The following DGKI variants were observed in gnomAD, a reference collection of about 807,000 sequenced individuals.
DGKI encodes the protein DAG kinase iota.
A neutral mutation model predicts 147.5 loss-of-function variants in DGKI; 55 were observed. The ratio of observed to expected loss-of-function variants is 0.37; its 90% CI spans 0.30 to 0.47. The LOEUF is 0.47. Ranked by LOEUF, DGKI falls within the 20% of genes least tolerant of loss-of-function variation. The pLI is 1.00. For synonymous variants in DGKI, 469 were observed against 477.1 expected, an observed-to-expected ratio of 0.98 and a Z score of 0.22; for missense variants, 1,007 against 1,323.8, an observed-to-expected ratio of 0.76 and a Z score of 3.71.
intron 3 of DGKI, among the ~76,000 whole-genome samples, chr7:137,675,683 C>CAAAAAAAAAAAAAAAAA (rs61282606): frequency 9.3e-6 from 1 of 107,706 alleles, no homozygotes; most frequent in Non-Finnish European, 2.0e-5. Flanking sequence ...AGACTACATC[C>CAAAAAAAAAAAAAAAAA]AAAAAAAAAA....
At chr7:137,476,512 A>G (rs1488348939) in intron 23 of DGKI, among the ~76,000 whole-genome samples, 1 of 152,182 alleles carries the variant, frequency 6.6e-6, no homozygotes, top group Non-Finnish European at 1.5e-5. Flanking sequence ...AGAATTCACA[A>G]TTGGAGTGTT....
At chr7:137,651,965 G>A (rs1227374881) in intron 5 of DGKI, among the ~76,000 whole-genome samples, 1 of 152,162 alleles carries the variant, frequency 6.6e-6, no homozygotes, top group Non-Finnish European at 1.5e-5. Context: ...CAGTAAATGG[G>A]TAGAGTAGAT....
chr7:137,471,653 A>T (rs933010666), intron 23 of DGKI, among the ~76,000 whole-genome samples: 1 of 152,084 alleles, frequency 6.6e-6, no homozygotes, highest in Admixed American at 6.6e-5. Context: ...AAGAACCTAA[A>T]GTTACCGAAC....
At chr7:137,619,415 C>G (rs148218569) in intron 8 of DGKI, among the ~76,000 whole-genome samples, 2 of 152,338 alleles carry the variant, frequency 1.3e-5, no homozygotes, top group African/African-American at 2.4e-5. Flanking sequence ...TGGCAGGAAT[C>G]TTAACCAAAC....
At chr7:137,811,337 GTCTC>G (rs1301672664) in intron 1 of DGKI, among the ~76,000 whole-genome samples, 4 of 122,298 alleles carry the variant, frequency 3.3e-5, no homozygotes, top group African/African-American at 1.2e-4. Context: ...CTCTCTGTCT[GTCTC>G]TCTTTCTCTC....
intron 10 of DGKI, among the ~76,000 whole-genome samples, chr7:137,602,423 G>C (rs1820025887): frequency 6.6e-6 from 1 of 152,226 alleles, no homozygotes; most frequent in African/African-American, 2.4e-5. Flanking sequence ...GCCTGCAATT[G>C]TGTAAAGATA....
At chr7:137,828,203 T>C (rs562973777) in intron 1 of DGKI, among the ~76,000 whole-genome samples, 7 of 152,264 alleles carry the variant, frequency 4.6e-5, no homozygotes, top group African/African-American at 1.7e-4. Flanking sequence ...AGTGGCTATT[T>C]TTTTTATTTC....
chr7:137,557,581 T>C (rs1215361903), intron 19 of DGKI, among the ~76,000 whole-genome samples: 1 of 152,164 alleles, frequency 6.6e-6, no homozygotes, highest in Non-Finnish European at 1.5e-5. Context: ...AAAATACAAA[T>C]ATAAATATTA....
intron 3 of DGKI, among the ~76,000 whole-genome samples, chr7:137,658,991 A>G (rs954001176): frequency 6.6e-6 from 1 of 152,248 alleles, no homozygotes. Context: ...CTCTTAAAAT[A>G]TATTATGAAC....
chr7:137,654,370 G>A (rs1321917135), intron 5 of DGKI, among the ~76,000 whole-genome samples: 1 of 152,152 alleles, frequency 6.6e-6, no homozygotes, highest in African/African-American at 2.4e-5. Context: ...ATTGAAAAAT[G>A]CACTTAAAAT....
chr7:137,542,063 A>G (rs1817721245), intron 20 of DGKI, among the ~76,000 whole-genome samples: 1 of 152,196 alleles, frequency 6.6e-6, no homozygotes, highest in South Asian at 2.1e-4. Flanking sequence ...AAACAGCCCA[A>G]TTAAAAAATG....
chr7:137,531,198 G>T (rs1817325621), intron 20 of DGKI, among the ~76,000 whole-genome samples: 1 of 152,076 alleles, frequency 6.6e-6, no homozygotes, highest in African/African-American at 2.4e-5. Flanking sequence ...TCTCATAGAA[G>T]AATTCTGCAA....
chr7:137,672,485 A>T (rs1822877284), intron 3 of DGKI, among the ~76,000 whole-genome samples: 1 of 152,176 alleles, frequency 6.6e-6, no homozygotes, highest in African/African-American at 2.4e-5. Context: ...CTAAGATCCC[A>T]CTCAATGGCA....
chr7:137,821,473 A>T (rs1005237937), intron 1 of DGKI, among the ~76,000 whole-genome samples: 3 of 152,170 alleles, frequency 2.0e-5, no homozygotes, highest in African/African-American at 7.2e-5. Flanking sequence ...ACTAAGAACA[A>T]CATTGTTTAA....
chr7:137,603,424 A>C (rs984172637), intron 10 of DGKI, among the ~76,000 whole-genome samples: 1 of 152,218 alleles, frequency 6.6e-6, no homozygotes, highest in African/African-American at 2.4e-5. Context: ...AAAATACATT[A>C]ATGAGAGGAA....
intron 1 of DGKI, among the ~76,000 whole-genome samples, chr7:137,733,340 G>A (rs1794936601): frequency 6.6e-6 from 1 of 151,968 alleles, no homozygotes; most frequent in Non-Finnish European, 1.5e-5. Context: ...AAATCATACT[G>A]TATTTGTCCT....
At chr7:137,645,087 G>T (rs1339894340) in intron 6 of DGKI, among the ~76,000 whole-genome samples, 1 of 152,138 alleles carries the variant, frequency 6.6e-6, no homozygotes, top group Non-Finnish European at 1.5e-5. Context: ...AAACAGTTCC[G>T]CCCAAACACA....
intron 2 of DGKI, among the ~76,000 whole-genome samples, chr7:137,688,504 C>T (rs1823498752): frequency 6.6e-6 from 1 of 152,120 alleles, no homozygotes; most frequent in South Asian, 2.1e-4. Context: ...CACAAAAGGG[C>T]AGAGAAGGGA....
At chr7:137,547,460 T>G (rs1817903318) in intron 20 of DGKI, among the ~76,000 whole-genome samples, 1 of 152,246 alleles carries the variant, frequency 6.6e-6, no homozygotes, top group African/African-American at 2.4e-5. Flanking sequence ...TCTGTCCATG[T>G]GGACCATAGC....
Sources: gnomAD v4.1 joint callset for allele counts (sites outside exome capture counted in the v4.1 genomes callset) on GRCh38, gnomAD v4.1.1 for gene constraint, MANE v1.5 for transcripts, NCBI Gene and HGNC (gene_info 2026-07-23, HGNC 2026-07-21) for gene names.